The following TNFSF4 variants were observed in gnomAD, a reference collection of about 807,000 sequenced individuals.
TNFSF4 encodes the protein TNF superfamily member 4, also known as tumor necrosis factor ligand superfamily member 4.
TNFSF4 carries 4 observed loss-of-function variants against 7.3 expected under a neutral mutation model. That is an observed-to-expected ratio of 0.55 (90% CI 0.27 to 1.25). The LOEUF (loss-of-function observed/expected upper bound fraction) is 1.25. Ranked by LOEUF, TNFSF4 falls within the 50% of genes most tolerant of loss-of-function variation. The pLI, the probability that TNFSF4 is intolerant of heterozygous loss-of-function variation, is 0.12. For synonymous variants in TNFSF4, 76 were observed against 83.7 expected (o/e 0.91, Z 0.50); for missense variants, 181 against 208.8 (o/e 0.87, Z 0.82).
intron 1 of TNFSF4, among the ~76,000 whole-genome samples, chr1:173,194,647 T>A (rs561041310): frequency 3.8e-4 from 57 of 151,660 alleles, no homozygotes; most frequent in African/African-American, 1.3e-3. Flanking sequence ...CTTTGGGAGG[T>A]CAAAGCAGGC....
chr1:173,300,920 C>T, the TNFSF4 span, among the ~76,000 whole-genome samples: 1 of 147,784 alleles, frequency 6.8e-6, no homozygotes, highest in Non-Finnish European at 1.5e-5. Context: ...ATTATAATGT[C>T]ATTGTAGTTT....
chr1:173,300,488 A>G, the TNFSF4 span, among the ~76,000 whole-genome samples: 1 of 151,764 alleles, frequency 6.6e-6, no homozygotes, highest in African/African-American at 2.4e-5. Context: ...TACGTTAGGG[A>G]TTTCCCCCAA....
chr1:173,173,700 C>A, the TNFSF4 span, among the ~76,000 whole-genome samples: 1 of 152,202 alleles, frequency 6.6e-6, no homozygotes, highest in Non-Finnish European at 1.5e-5. Flanking sequence ...GAAGCAAGGG[C>A]GTGAGCTGTA....
chr1:173,357,833 C>A, the TNFSF4 span, among the ~76,000 whole-genome samples: 1 of 152,182 alleles, frequency 6.6e-6, no homozygotes, highest in Non-Finnish European at 1.5e-5. Context: ...CTGCACCTGG[C>A]CTCTTCCATC....
chr1:173,260,483 A>T, the TNFSF4 span, among the ~76,000 whole-genome samples: 1 of 152,222 alleles, frequency 6.6e-6, no homozygotes, highest in African/African-American at 2.4e-5. Flanking sequence ...TCAAATCCAC[A>T]CATAACAATA....
At chr1:173,421,287 C>T in the TNFSF4 span, among the ~76,000 whole-genome samples, 5 of 152,072 alleles carry the variant, frequency 3.3e-5, no homozygotes, top group Non-Finnish European at 7.4e-5. Context: ...ATCTGAAATT[C>T]AGCTTTAACT....
chr1:173,303,344 G>A, the TNFSF4 span, among the ~76,000 whole-genome samples: 341 of 151,860 alleles, frequency 2.2e-3, 2 homozygotes, highest in African/African-American at 7.2e-3. Context: ...GTTTTACTGG[G>A]GCTCATTGTA....
chr1:173,377,813 C>T, the TNFSF4 span, among the ~76,000 whole-genome samples: 6 of 152,162 alleles, frequency 3.9e-5, no homozygotes, highest in Admixed American at 2.6e-4. Flanking sequence ...CAGGCCTAAC[C>T]TCAGAAATGG....
the TNFSF4 span, among the ~76,000 whole-genome samples, chr1:173,445,353 TG>T: frequency 1.3e-5 from 2 of 152,286 alleles, no homozygotes; most frequent in South Asian, 4.1e-4. Context: ...TGAGCTGCGA[TG>T]GGGGTGCTGC....
chr1:173,331,254 G>A, the TNFSF4 span, among the ~76,000 whole-genome samples: 1 of 152,126 alleles, frequency 6.6e-6, no homozygotes, highest in South Asian at 2.1e-4. Flanking sequence ...TTTCGAATTC[G>A]TATTTCAGTA....
chr1:173,284,563 C>G, the TNFSF4 span, among the ~76,000 whole-genome samples: 1 of 152,188 alleles, frequency 6.6e-6, no homozygotes, highest in Non-Finnish European at 1.5e-5. Context: ...GAGGAGAAGT[C>G]AGTGTCTGGC....
chr1:173,385,317 G>A, the TNFSF4 span, among the ~76,000 whole-genome samples: 1 of 152,016 alleles, frequency 6.6e-6, no homozygotes, highest in African/African-American at 2.4e-5. Flanking sequence ...CTGCCTTCTA[G>A]GAAGAAAGCA....
chr1:173,276,649 G>A, the TNFSF4 span, among the ~76,000 whole-genome samples: 1 of 152,114 alleles, frequency 6.6e-6, no homozygotes, highest in Non-Finnish European at 1.5e-5. Context: ...TCAACTTTGT[G>A]GGAGTTTTCT....
At chr1:173,356,620 A>C in the TNFSF4 span, among the ~76,000 whole-genome samples, 1 of 152,156 alleles carries the variant, frequency 6.6e-6, no homozygotes, top group African/African-American at 2.4e-5. Flanking sequence ...GTGAGTTCAC[A>C]TCCTGTCCAT....
the TNFSF4 span, among the ~76,000 whole-genome samples, chr1:173,280,610 T>C: frequency 6.6e-6 from 1 of 152,178 alleles, no homozygotes; most frequent in Non-Finnish European, 1.5e-5. Flanking sequence ...TAAGGCTGAA[T>C]AAACATTTGA....
chr1:173,402,089 C>T, the TNFSF4 span, among the ~76,000 whole-genome samples: 1 of 152,128 alleles, frequency 6.6e-6, no homozygotes, highest in South Asian at 2.1e-4. Context: ...TCCTAAGCTT[C>T]TTTTTTTATG....
chr1:173,339,592 T>G, the TNFSF4 span, among the ~76,000 whole-genome samples: 1 of 152,194 alleles, frequency 6.6e-6, no homozygotes, highest in Non-Finnish European at 1.5e-5. Flanking sequence ...CTTCCCTCTC[T>G]TATTCTCTTC....
chr1:173,267,603 C>T, the TNFSF4 span, among the ~76,000 whole-genome samples: 3 of 151,948 alleles, frequency 2.0e-5, no homozygotes, highest in Non-Finnish European at 4.4e-5. Flanking sequence ...TTTATTAGTT[C>T]GTGGTTTCTG....
chr1:173,314,764 G>C, the TNFSF4 span, among the ~76,000 whole-genome samples: 1 of 152,096 alleles, frequency 6.6e-6, no homozygotes, highest in African/African-American at 2.4e-5. Flanking sequence ...ATGTAATGCT[G>C]AACTTGTAGA....
Sources: gnomAD v4.1 joint callset for allele counts (sites outside exome capture counted in the v4.1 genomes callset) on GRCh38, gnomAD v4.1.1 for gene constraint, MANE v1.5 for transcripts, NCBI Gene and HGNC (gene_info 2026-07-23, HGNC 2026-07-21) for gene names.